Variants in TENM3 observed in about 807,000 individuals in gnomAD.
The protein encoded by TENM3 is teneurin transmembrane protein 3.
TENM3 carries 63 observed loss-of-function variants against 255.1 expected under a neutral mutation model. The ratio of observed to expected loss-of-function variants is 0.25; its 90% CI spans 0.20 to 0.30. The LOEUF (loss-of-function observed/expected upper bound fraction) is 0.30, where lower values mean the gene tolerates loss of function less well. TENM3 is among the 10% of genes least tolerant of loss of function. The pLI, the probability that TENM3 is intolerant of heterozygous loss-of-function variation, is 1.00. For synonymous variants in TENM3, 1,306 were observed against 1,322.3 expected (o/e 0.99, Z 0.27); for missense variants, 2,929 against 3,461.1 (o/e 0.85, Z 3.86).
the TENM3 span, among the ~76,000 whole-genome samples, chr4:181,819,188 G>A: frequency 6.6e-6 from 1 of 152,016 alleles, no homozygotes; most frequent in Non-Finnish European, 1.5e-5. Context: ...GCCTTCTGGT[G>A]CCTACACTCT....
At chr4:182,779,079 TA>T (rs1486485245) in intron 24 of TENM3, among the ~76,000 whole-genome samples, 1 of 151,162 alleles carries the variant, frequency 6.6e-6, no homozygotes, top group Non-Finnish European at 1.5e-5. Flanking sequence ...TATTATACTT[TA>T]AGTTTTAGGG....
chr4:181,997,329 A>G, the TENM3 span, among the ~76,000 whole-genome samples: 1 of 152,102 alleles, frequency 6.6e-6, no homozygotes, highest in African/African-American at 2.4e-5. Context: ...CACGTGTGAT[A>G]CCTTTCAACG....
At chr4:182,547,956 G>T (rs1231820833) in intron 3 of TENM3, among the ~76,000 whole-genome samples, 1 of 152,048 alleles carries the variant, frequency 6.6e-6, no homozygotes, top group Non-Finnish European at 1.5e-5. Context: ...GATGGCTCGT[G>T]CCTCGAGTCC....
chr4:181,601,634 A>G, the TENM3 span, among the ~76,000 whole-genome samples: 3 of 152,312 alleles, frequency 2.0e-5, no homozygotes, highest in Admixed American at 6.5e-5. Context: ...ATTTCTGCTC[A>G]GCAATTCAAT....
the TENM3 span, among the ~76,000 whole-genome samples, chr4:181,771,520 G>A: frequency 1.3e-5 from 2 of 152,186 alleles, no homozygotes; most frequent in Admixed American, 1.3e-4. Context: ...TGTCAATGAT[G>A]GGAATGTATC....
chr4:182,459,902 A>AAAT (rs143299656), intron 3 of TENM3, among the ~76,000 whole-genome samples: 104 of 152,296 alleles, frequency 6.8e-4, no homozygotes, highest in African/African-American at 1.9e-3. Flanking sequence ...AGATTTCAAA[A>AAAT]ATATATTTAT....
At chr4:182,767,107 A>T (rs1763781894) in intron 22 of TENM3, among the ~76,000 whole-genome samples, 1 of 152,144 alleles carries the variant, frequency 6.6e-6, no homozygotes. Flanking sequence ...TCTATCCAGA[A>T]CCTGATTTTT....
chr4:181,456,903 A>T, the TENM3 span, among the ~76,000 whole-genome samples: 1 of 151,894 alleles, frequency 6.6e-6, no homozygotes, highest in Non-Finnish European at 1.5e-5. Flanking sequence ...AGAATGGTAG[A>T]CATTTGGAAT....
chr4:181,607,277 A>G, the TENM3 span, among the ~76,000 whole-genome samples: 52,442 of 152,120 alleles, frequency 0.34, 10,358 homozygotes, highest in Non-Finnish European at 0.43. Context: ...TAGAGCTTTC[A>G]TGGTGATAGT....
At chr4:182,176,828 T>A (rs1318776360) in intron 1 of TENM3, among the ~76,000 whole-genome samples, 2 of 145,484 alleles carry the variant, frequency 1.4e-5, no homozygotes, top group Admixed American at 6.9e-5. Context: ...CTAATTTTTT[T>A]TTTTTTTTTT....
chr4:182,075,163 A>G, the TENM3 span, among the ~76,000 whole-genome samples: 1 of 150,436 alleles, frequency 6.6e-6, no homozygotes, highest in African/African-American at 2.4e-5. Flanking sequence ...GCAGAAATCT[A>G]GATTTGTATG....
At position 182,784,231 on chromosome 4, in the gene TENM3, T is replaced by C. The variant is rs370195986; in HGVS notation, c.5305-4862T>C. ...TGACGGTGATGTACAGATGGGTTTT[T>C]GGTGTGGATGTCCTTTCTGTTTGTT... On this transcript the variant is annotated intron_variant, in intron 24 of 27. Coordinates refer to ENST00000511685, the MANE Select transcript of TENM3 (RefSeq NM_001080477.4). 6.0e-4 allele frequency among the ~76,000 whole-genome samples: 91 copies of C among 152,230 alleles called. No homozygotes were observed. The Middle Eastern group carries it at 0.01, about 17-fold the overall frequency.
chr4:181,538,964 A>G, the TENM3 span, among the ~76,000 whole-genome samples: 36,624 of 152,124 alleles, frequency 0.24, 4,667 homozygotes, highest in African/African-American at 0.31. Flanking sequence ...GGGAAAAAGT[A>G]AGTAGTAACT....
At chr4:181,779,834 G>T in the TENM3 span, among the ~76,000 whole-genome samples, 1 of 151,988 alleles carries the variant, frequency 6.6e-6, no homozygotes, top group South Asian at 2.1e-4. Flanking sequence ...TCCCCTTCCT[G>T]TGTCCAAGTG....
chr4:181,819,467 C>T, the TENM3 span, among the ~76,000 whole-genome samples: 1 of 152,134 alleles, frequency 6.6e-6, no homozygotes, highest in Non-Finnish European at 1.5e-5. Flanking sequence ...CCATGGAGAA[C>T]AGATATGCTA....
chr4:181,922,592 A>AT, the TENM3 span, among the ~76,000 whole-genome samples: 1 of 151,996 alleles, frequency 6.6e-6, no homozygotes, highest in Non-Finnish European at 1.5e-5. Context: ...CCCCTTTATC[A>AT]TTTTTTATTG....
the TENM3 span, among the ~76,000 whole-genome samples, chr4:182,013,292 G>A: frequency 1.3e-5 from 2 of 152,194 alleles, no homozygotes; most frequent in African/African-American, 2.4e-5. Flanking sequence ...TAACACTGGC[G>A]TGTTTTTCCT....
At chr4:182,180,637 CTT>C (rs1174130013) in intron 1 of TENM3, among the ~76,000 whole-genome samples, 5 of 142,264 alleles carry the variant, frequency 3.5e-5, no homozygotes, top group Admixed American at 7.1e-5. Context: ...TATTGTTTCT[CTT>C]TTTTTTTTTT....
At chr4:182,679,154 C>A (rs1166743286) in intron 7 of TENM3, among the ~76,000 whole-genome samples, 1 of 151,944 alleles carries the variant, frequency 6.6e-6, no homozygotes, top group Non-Finnish European at 1.5e-5. Context: ...CACGTGTATA[C>A]CTATGTAACA....
Sources: gnomAD v4.1 joint callset for allele counts (sites outside exome capture counted in the v4.1 genomes callset) on GRCh38, gnomAD v4.1.1 for gene constraint, MANE v1.5 for transcripts, NCBI Gene and HGNC (gene_info 2026-07-23, HGNC 2026-07-21) for gene names.